Variants in SVOPL observed in about 807,000 individuals in gnomAD.
The protein encoded by SVOPL is SVOP like.
A neutral mutation model predicts 61.0 loss-of-function variants in SVOPL; 60 were observed. The observed-to-expected ratio is 0.98, with a 90% CI of 0.80 to 1.22. The LOEUF (loss-of-function observed/expected upper bound fraction) is 1.22, where lower values mean the gene tolerates loss of function less well. Ranked by LOEUF, SVOPL falls within the 50% of genes most tolerant of loss-of-function variation. The probability of loss-of-function intolerance (pLI) is 0.00; values close to 1 mark genes in which losing one functional copy is unlikely to be tolerated. For missense variants in SVOPL, 662 were observed against 643.9 expected (o/e 1.03, Z -0.30); for synonymous variants, 279 against 250.0 (o/e 1.12, Z -1.09).
chr7:138,686,559 T>A (rs1459165395), intron 1 of SVOPL, among the ~76,000 whole-genome samples: 2 of 122,852 alleles, frequency 1.6e-5, no homozygotes, highest in East Asian at 5.9e-4. Flanking sequence ...TTTTGTTTTT[T>A]GGGTTTTTTT....
intron 1 of SVOPL, among the ~76,000 whole-genome samples, chr7:138,698,503 G>T (rs77118913): frequency 0.012 from 1,867 of 152,186 alleles, 37 homozygotes; most frequent in African/African-American, 0.042. Flanking sequence ...ACTTTGGACC[G>T]AATCTGGCCA....
intron 3 of SVOPL, among the ~76,000 whole-genome samples, chr7:138,675,648 G>A (rs555751800): frequency 6.6e-6 from 1 of 152,044 alleles, no homozygotes; most frequent in African/African-American, 2.4e-5. Flanking sequence ...GAGCCACCAT[G>A]CCCCGCCCAC....
intron 14 of SVOPL, among the ~76,000 whole-genome samples, chr7:138,600,028 C>T (rs2116746062): frequency 6.6e-6 from 1 of 152,056 alleles, no homozygotes; most frequent in Admixed American, 6.5e-5. Context: ...AAACAAACAC[C>T]TTAAGTGAAA....
At chr7:138,686,387 A>G (rs944776081) in intron 1 of SVOPL, among the ~76,000 whole-genome samples, 1 of 145,726 alleles carries the variant, frequency 6.9e-6, no homozygotes, top group African/African-American at 2.6e-5. Context: ...GCCTGGGTGA[A>G]AGAGTGAGAC....
At chr7:138,610,259 C>T (rs1335364028) in intron 14 of SVOPL, among the ~76,000 whole-genome samples, 1 of 151,862 alleles carries the variant, frequency 6.6e-6, no homozygotes, top group East Asian at 1.9e-4. Flanking sequence ...TCCCCTCCCT[C>T]TCCTCTGTCC....
chr7:138,680,148 G>A (rs1175557156), intron 1 of SVOPL, among the ~76,000 whole-genome samples: 1 of 151,394 alleles, frequency 6.6e-6, no homozygotes, highest in African/African-American at 2.4e-5. Context: ...TTTCCAGTGT[G>A]CTTTCTTGCA....
In SVOPL at chr7:138,638,049, G is replaced by A. The variant is rs553783107; in HGVS notation, c.789+6668C>T. On this transcript the variant is annotated intron_variant, in intron 9 of 15. Transcript: ENST00000674285. ...AGCATTTTCCAAGGTAAATGCAGGT[G>A]GATCACTTGAGGTCAGGAGTTTGAG... Among the ~76,000 whole-genome samples, 7 of 150,878 alleles carry A rather than the reference G, an allele frequency of 4.6e-5. No individual in the cohort carries two copies. In the South Asian group the frequency reaches 1.1e-3, roughly 23 times the overall value.
chr7:138,631,601 C>T lies in SVOPL; in HGVS notation c.790-1479G>A, dbSNP rs568579373. Among the ~76,000 whole-genome samples the T allele has an allele frequency of 1.2e-4, 19 of 152,184 alleles. No homozygotes were observed. In the East Asian group the frequency reaches 3.5e-3, roughly 28 times the overall value. On this transcript the variant is annotated intron_variant, in intron 9 of 15. Transcript: ENST00000674285. ...GCTTTTTTTTTGGGAAGGAGTCTCG[C>T]TCTGTCACCCACACTAGAGTGCAAT... is the stretch of plus-strand genomic sequence containing the variant.
intron 10 of SVOPL, 136 bp from the exon 11 acceptor site, chr7:138,628,499 A>G (rs766015904): frequency 2.9e-5 from 24 of 827,820 alleles, no homozygotes; most frequent in Non-Finnish European, 4.5e-5. Context: ...CGCCACACAG[A>G]GCATTCGTGG....
At chr7:138,631,778 A>G (rs1482371779) in intron 9 of SVOPL, among the ~76,000 whole-genome samples, 1 of 152,142 alleles carries the variant, frequency 6.6e-6, no homozygotes, top group African/African-American at 2.4e-5. Flanking sequence ...CATGTTGCCC[A>G]GGCTGGTCTC....
rs753624749 is a variant in SVOPL at position 138,630,145 on chromosome 7, G to A, written c.790-23C>T. 8.3e-6 allele frequency: 13 copies of A among 1,573,086 alleles called. No homozygotes were observed. In the East Asian group the frequency reaches 1.1e-4, roughly 14 times the overall value. ...TTCCTGGGGTAATGAAAAGGAGACA[G>A]AACATACTCAGCAGCTTAAGGATGA... On this transcript the variant is annotated intron_variant, in intron 9 of 15. Coordinates refer to ENST00000674285, the MANE Select transcript of SVOPL (RefSeq NM_001139456.2).
At chr7:138,646,970 T>G (rs961729237) in intron 8 of SVOPL, among the ~76,000 whole-genome samples, 1 of 152,218 alleles carries the variant, frequency 6.6e-6, no homozygotes, top group Non-Finnish European at 1.5e-5. Context: ...CAACTGGGCT[T>G]GTCCAGAAGA....
At chr7:138,690,493 G>T (rs1188906298) in intron 1 of SVOPL, among the ~76,000 whole-genome samples, 1 of 152,238 alleles carries the variant, frequency 6.6e-6, no homozygotes, top group Non-Finnish European at 1.5e-5. Flanking sequence ...GATACTTGCT[G>T]CATGATGAAT....
At chr7:138,650,658 T>A (rs987147059) in intron 7 of SVOPL, among the ~76,000 whole-genome samples, 1 of 138,570 alleles carries the variant, frequency 7.2e-6, no homozygotes, top group African/African-American at 2.7e-5. Context: ...AAAAAAAATT[T>A]AAAAATTCAC....
At position 138,678,871 on chromosome 7, in the gene SVOPL, C is replaced by T; in HGVS notation, c.82+93G>A. On this transcript the variant is annotated intron_variant, in intron 2 of 15. Coordinates refer to ENST00000674285, the MANE Select transcript of SVOPL (RefSeq NM_001139456.2). ...AGGTGTGAGCCACCATGCCTGGCTG[C>T]TTCTTTTGACCTCACCTTTTTGCAT... The T allele has an allele frequency of 4.6e-6, 6 of 1,316,062 alleles. No homozygotes were observed. In the South Asian group the frequency reaches 6.9e-5, roughly 15 times the overall value. 81.5% of individuals were successfully genotyped at this position (1,316,062 alleles called of 1,614,324 possible).
chr7:138,661,123 T>C (rs1801982215), intron 5 of SVOPL: 11 of 985,328 alleles, frequency 1.1e-5, no homozygotes, highest in African/African-American at 3.5e-5. Context: ...TACAGCCAAT[T>C]CTACTAATGT....
At chr7:138,645,786 A>G in intron 8 of SVOPL, 1 of 160,630 alleles carries the variant, frequency 6.2e-6, no homozygotes, top group Non-Finnish European at 1.4e-5. Context: ...ACCCAGGTAT[A>G]CTTCCCTTCG....
At chr7:138,610,793 G>A (rs944560409) in intron 14 of SVOPL, among the ~76,000 whole-genome samples, 17 of 152,204 alleles carry the variant, frequency 1.1e-4, no homozygotes, top group African/African-American at 3.6e-4. Context: ...ACTCAAGGCT[G>A]CCCAAGAATC....
Position 138,669,719 on chromosome 7 carries a change from C to G in SVOPL, c.273+2300G>C, listed in dbSNP as rs1277748058. Among the ~76,000 whole-genome samples the G allele has an allele frequency of 2.0e-5, 3 of 152,202 alleles. No individual in the cohort carries two copies. In the East Asian group the frequency reaches 5.8e-4, roughly 29 times the overall value. On this transcript the variant is annotated intron_variant, in intron 4 of 15. Coordinates refer to ENST00000674285, the MANE Select transcript of SVOPL (RefSeq NM_001139456.2). ...TAAAGAATCTTTGCCCACTGGCATC[C>G]TCCACTGTGTAAAAGGCTATATACG...
Sources: allele counts gnomAD v4.1 joint callset (sites outside exome capture counted in the v4.1 genomes callset), GRCh38; gene constraint gnomAD v4.1.1; transcripts MANE v1.5; gene names NCBI Gene and HGNC (gene_info 2026-07-23, HGNC 2026-07-21).